Variants in PPP1R3B observed in about 807,000 individuals in gnomAD.
The protein encoded by PPP1R3B is PP1 subunit R4.
In PPP1R3B, 8 loss-of-function variants were observed where a neutral mutation model predicts 14.6. The observed-to-expected ratio is 0.55, with a 90% CI of 0.32 to 0.99. The LOEUF is 0.99. Among genes scored for constraint, PPP1R3B ranks in the 50% least tolerant of loss-of-function variants. The pLI, the probability that PPP1R3B is intolerant of heterozygous loss-of-function variation, is 0.04. For missense variants in PPP1R3B, 452 were observed against 360.1 expected (o/e 1.26, Z -2.07); for synonymous variants, 169 against 142.0 (o/e 1.19, Z -1.35).
chr8:9,144,152 AG>A (rs1196498961), intron 1 of PPP1R3B, among the ~76,000 whole-genome samples: 16 of 152,082 alleles, frequency 1.1e-4, no homozygotes, highest in African/African-American at 3.9e-4. Context: ...TTATTGAATT[AG>A]GAAAAAAATT....
chr8:9,137,009 TCTC>T lies in PPP1R3B; in HGVS notation c.*3782_*3784del, dbSNP rs1800911109. ...TGAAAAGATCAAAACCACAGAGCAATCTCCTAACAGTTCCAAATTTACATCTTC... is the reference window on the plus strand; with the variant it reads ...TGAAAAGATCAAAACCACAGAGCAATCTAACAGTTCCAAATTTACATCTTC... On this transcript the variant is annotated 3_prime_UTR_variant, in exon 2 of 2. Coordinates refer to ENST00000310455, the MANE Select transcript of PPP1R3B (RefSeq NM_024607.4). The T allele has an allele frequency of 6.6e-6, 1 of 152,128 alleles. No individual in the cohort carries two copies. The highest frequency in any genetic ancestry group is 1.5e-5 in the Non-Finnish European group (1 of 68,016). 9.4% of individuals were successfully genotyped at this position (152,128 alleles called of 1,614,324 possible).
chr8:9,149,407 G>A (rs1419945294), intron 1 of PPP1R3B, among the ~76,000 whole-genome samples: 1 of 151,864 alleles, frequency 6.6e-6, no homozygotes, highest in East Asian at 1.9e-4. Flanking sequence ...GGAGGCCGAG[G>A]CAGGAGAATG....
chr8:9,150,897 G>C (rs747583211), upstream of PPP1R3B, among the ~76,000 whole-genome samples: 1 of 152,238 alleles, frequency 6.6e-6, no homozygotes, highest in Non-Finnish European at 1.5e-5. Flanking sequence ...GTATTTCCTC[G>C]CGTTTTATAG....
rs777632527 is a variant in PPP1R3B at position 9,138,263 on chromosome 8, G to C, written c.*2531C>G. 6.6e-6 allele frequency: 1 copy of C among 152,188 alleles called. No homozygotes were observed. Among genetic ancestry groups the C allele is most frequent in the Non-Finnish European group, 1.5e-5 (1 of 68,038 alleles). 9.4% of individuals were successfully genotyped at this position (152,188 alleles called of 1,614,324 possible). ...CTGTCTGTTACCCGATGTCTGGTAT[G>C]TTTACATAAAACGTGGTTCTGCCCA... On this transcript the variant is annotated 3_prime_UTR_variant, in exon 2 of 2. Transcript: ENST00000310455.
chr8:9,145,504 G>A (rs1473441203), intron 1 of PPP1R3B: 1 of 152,150 alleles, frequency 6.6e-6, no homozygotes, highest in Non-Finnish European at 1.5e-5. Flanking sequence ...TACAAAATAT[G>A]TGTTAATCGA....
rs367690150 is a variant in PPP1R3B, at chr8:9,141,158, G to A, written c.494C>T (p.Thr165Met). The change falls in exon 2 of 2, where the codon ACG becomes ATG. Residue 165 changes from threonine (T) to methionine (M), a missense_variant. By Grantham distance (81) the Thr-to-Met change is moderately conservative. Transcript: ENST00000310455. ...AFEKTVKIRMTFDTWKSYTDF... is the reference protein window; with the variant it reads ...AFEKTVKIRMMFDTWKSYTDF... Reference sequence around the variant, plus strand: ...TGTGTAGCTCTTCCAGGTGTCGAACGTCATCCTTATTTTCACGGTCTTCTC... The same window carrying A: ...TGTGTAGCTCTTCCAGGTGTCGAACATCATCCTTATTTTCACGGTCTTCTC... 2.3e-5 allele frequency: 37 copies of A among 1,613,920 alleles called. No individual in the cohort carries two copies. Among genetic ancestry groups the A allele is most frequent in the Middle Eastern group, 1.6e-4 (1 of 6,084 alleles).
Position 9,140,971 on chromosome 8 carries a change from G to C in PPP1R3B, c.681C>G (p.Gly227=). ...CAGCCCGGATGATCCTATAGTTCTT[G>C]CCTCTGTTGCTGTCCCAGTACGTCT... ...NGQTYWDSNR[G]KNYRIIRAEL... Residue 227 remains glycine (G), a synonymous_variant, in exon 2 of 2, where the codon GGC becomes GGG. Coordinates refer to ENST00000310455, the MANE Select transcript of PPP1R3B (RefSeq NM_024607.4). The C allele has an allele frequency of 1.9e-6, 3 of 1,614,116 alleles. No individual in the cohort carries two copies. Among genetic ancestry groups the C allele is most frequent in the Non-Finnish European group, 1.7e-6 (2 of 1,179,966 alleles).
Position 9,141,474 on chromosome 8 carries a change from T to C in PPP1R3B, c.178A>G (p.Lys60Glu). The C allele has an allele frequency of 1.2e-6, 2 of 1,614,196 alleles. No individual in the cohort carries two copies. Among genetic ancestry groups the C allele is most frequent in the Non-Finnish European group, 1.7e-6 (2 of 1,180,046 alleles). Residue 60 changes from lysine (K) to glutamate (E), a missense_variant, in exon 2 of 2, where the codon AAA (lysine) becomes GAA (glutamate). Coordinates refer to ENST00000310455, the MANE Select transcript of PPP1R3B (RefSeq NM_024607.4). ...TTGTCTGCGAAGGACACCCGCTTTT[T>C]CACCTTCTTCTCCTGGACAGCCGGG... is the stretch of plus-strand genomic sequence containing the variant. ...VAPAVQEKKV[K>E]KRVSFADNQG...
At chr8:9,147,037 C>G (rs1278240348) in intron 1 of PPP1R3B, among the ~76,000 whole-genome samples, 1 of 151,276 alleles carries the variant, frequency 6.6e-6, no homozygotes. Flanking sequence ...GGCTGGAGTG[C>G]CGTGGCGCAA....
chr8:9,151,508 C>T (rs1014264118), upstream of PPP1R3B: 9 of 182,900 alleles, frequency 4.9e-5, no homozygotes, highest in Non-Finnish European at 7.0e-5. Context: ...GCTGCGCGGT[C>T]ACCTCCTCCC....
intron 1 of PPP1R3B, among the ~76,000 whole-genome samples, chr8:9,148,733 A>G (rs970198917): frequency 6.6e-6 from 1 of 152,244 alleles, no homozygotes; most frequent in Non-Finnish European, 1.5e-5. Flanking sequence ...TGATAACTAT[A>G]GACCTGCACA....
In PPP1R3B at chr8:9,137,412, C is replaced by T. The variant is rs1585334278; in HGVS notation, c.*3382G>A. ...GCAACCTGGGAAAGATTCTGGGACT[C>T]GGGGGCCACTTGTAACCATAACCAA... On this transcript the variant is annotated 3_prime_UTR_variant, in exon 2 of 2. Transcript: ENST00000310455. The T allele has an allele frequency of 6.6e-6, 1 of 152,076 alleles. No homozygotes were observed. Among genetic ancestry groups the T allele is most frequent in the East Asian group, 1.9e-4 (1 of 5,190 alleles). 9.4% of individuals were successfully genotyped at this position (152,076 alleles called of 1,614,324 possible). A position where few individuals can be genotyped will look rare whatever the true frequency, so the allele number is the denominator to read the frequency against.
chr8:9,141,190 G>A lies in PPP1R3B; in HGVS notation c.462C>T (p.Leu154=), dbSNP rs769701713. Residue 154 remains leucine, a synonymous_variant, in exon 2 of 2, where the codon CTC becomes CTT. Coordinates refer to ENST00000310455, the MANE Select transcript of PPP1R3B (RefSeq NM_024607.4). The part of the protein sequence containing the change: ...AIAGTVKVQN[L]AFEKTVKIRM... Reference sequence around the variant, plus strand: ...TTATTTTCACGGTCTTCTCAAATGCGAGGTTCTGAACCTTCACAGTGCCTG... The same window carrying A: ...TTATTTTCACGGTCTTCTCAAATGCAAGGTTCTGAACCTTCACAGTGCCTG... 6.2e-6 allele frequency: 10 copies of A among 1,613,982 alleles called. No individual in the cohort carries two copies. Among genetic ancestry groups the A allele is most frequent in the African/African-American group, 1.3e-5 (1 of 74,886 alleles).
rs990260156 is a variant in PPP1R3B at position 9,145,029 on chromosome 8, G to A, written c.-17-3361C>T. Among the ~76,000 whole-genome samples the A allele has an allele frequency of 9.2e-5, 14 of 152,040 alleles. No homozygotes were observed. The East Asian group carries it at 1.7e-3, about 19-fold the overall frequency. ...CCAAAGTGCTGGGATTGCAGGCGGG[G>A]AGCCATCATGGCCAGCCCATGTGAT... On this transcript the variant is annotated intron_variant, in intron 1 of 1. Coordinates refer to ENST00000310455, the MANE Select transcript of PPP1R3B (RefSeq NM_024607.4).
intron 1 of PPP1R3B, among the ~76,000 whole-genome samples, chr8:9,143,642 C>T (rs767876465): frequency 4.3e-4 from 65 of 152,210 alleles, no homozygotes; most frequent in Non-Finnish European, 7.9e-4. Context: ...GCGGAGGTTG[C>T]AGTGTGCAGA....
chr8:9,151,235 A>G (rs1236834285), upstream of PPP1R3B: 2 of 152,672 alleles, frequency 1.3e-5, no homozygotes, highest in Non-Finnish European at 2.9e-5. Context: ...TGCCAGTGCA[A>G]GTCGCACGGT....
chr8:9,149,512 C>T, intron 1 of PPP1R3B, among the ~76,000 whole-genome samples: 1 of 152,146 alleles, frequency 6.6e-6, no homozygotes, highest in Admixed American at 6.5e-5. Context: ...TCAAAACAAA[C>T]AAACAAAACC....
At chr8:9,147,388 T>C (rs1368341928) in intron 1 of PPP1R3B, among the ~76,000 whole-genome samples, 1 of 152,114 alleles carries the variant, frequency 6.6e-6, no homozygotes, top group Non-Finnish European at 1.5e-5. Context: ...AAAATCTGGG[T>C]GTGAACTGAG....
chr8:9,139,768 C>A lies in PPP1R3B; in HGVS notation c.*1026G>T, dbSNP rs571517406. On this transcript the variant is annotated 3_prime_UTR_variant, in exon 2 of 2. Transcript: ENST00000310455. ...GTTTCACCGTGTTAGCCAGGATGGT[C>A]TCGATCTCCTGACCTCGTGATCCAC... is the stretch of plus-strand genomic sequence containing the variant. 6.6e-6 allele frequency: 1 copy of A among 152,150 alleles called. No individual in the cohort carries two copies. The highest frequency in any genetic ancestry group is 1.5e-5 in the Non-Finnish European group (1 of 68,050). 9.4% of individuals were successfully genotyped at this position (152,150 alleles called of 1,614,324 possible).
Sources: gnomAD v4.1 joint callset for allele counts (sites outside exome capture counted in the v4.1 genomes callset) on GRCh38, gnomAD v4.1.1 for gene constraint, MANE v1.5 for transcripts, NCBI Gene and HGNC (gene_info 2026-07-23, HGNC 2026-07-21) for gene names.